The following GNAI3 variants were observed in gnomAD, a reference collection of about 807,000 sequenced individuals.
The protein encoded by GNAI3 is guanine nucleotide-binding protein G(i) subunit alpha-3.
A neutral mutation model predicts 41.8 loss-of-function variants in GNAI3; 12 were observed. The ratio of observed to expected loss-of-function variants is 0.29; its 90% CI spans 0.18 to 0.47. The LOEUF is 0.47. Ranked by LOEUF, GNAI3 falls within the 20% of genes least tolerant of loss-of-function variation. The pLI is 1.00. For synonymous variants in GNAI3, 132 were observed against 146.5 expected (o/e 0.90, Z 0.71); for missense variants, 360 against 429.6 (o/e 0.84, Z 1.43).
chr1:109,569,141 A>G (rs1648528532), intron 1 of GNAI3, among the ~76,000 whole-genome samples: 1 of 152,100 alleles, frequency 6.6e-6, no homozygotes, highest in African/African-American at 2.4e-5. Flanking sequence ...TCTCCTACTT[A>G]TATAGGATAT....
intron 5 of GNAI3, among the ~76,000 whole-genome samples, chr1:109,583,589 CT>C (rs199710835): frequency 6.1e-5 from 9 of 148,060 alleles, no homozygotes; most frequent in Middle Eastern, 3.3e-3. Flanking sequence ...ATTAGTAATT[CT>C]TTTTTTTTTG....
intron 1 of GNAI3, among the ~76,000 whole-genome samples, chr1:109,551,577 TA>T (rs1475869540): frequency 6.6e-6 from 1 of 152,202 alleles, no homozygotes; most frequent in Non-Finnish European, 1.5e-5. Context: ...TTGGGAAAGT[TA>T]ATTTCTCTTG....
intron 4 of GNAI3, among the ~76,000 whole-genome samples, chr1:109,579,863 A>G (rs570892600): frequency 6.6e-6 from 1 of 152,330 alleles, no homozygotes; most frequent in East Asian, 1.9e-4. Context: ...ATGAAGTTGA[A>G]GTATCTTTTT....
chr1:109,564,321 C>G (rs1326740511), intron 1 of GNAI3, among the ~76,000 whole-genome samples: 1 of 151,756 alleles, frequency 6.6e-6, no homozygotes, highest in Non-Finnish European at 1.5e-5. Flanking sequence ...GTCTCTTTCT[C>G]TGTTTCCTTG....
chr1:109,560,846 A>G (rs756500159), intron 1 of GNAI3, among the ~76,000 whole-genome samples: 5 of 152,164 alleles, frequency 3.3e-5, no homozygotes, highest in Admixed American at 1.3e-4. Context: ...ACTGCATCTG[A>G]CCTGATTCAC....
At chr1:109,580,388 A>G (rs1391957101) in intron 4 of GNAI3, among the ~76,000 whole-genome samples, 1 of 152,164 alleles carries the variant, frequency 6.6e-6, no homozygotes, top group East Asian at 1.9e-4. Context: ...GGCACGTTTA[A>G]GCATTAAAGT....
chr1:109,558,229 C>G (rs770596297), intron 1 of GNAI3, among the ~76,000 whole-genome samples: 5 of 152,016 alleles, frequency 3.3e-5, no homozygotes, highest in Non-Finnish European at 5.9e-5. Context: ...TCCAGACCAG[C>G]CTGGCCAACA....
chr1:109,579,018 A>G (rs1230144057), intron 3 of GNAI3, among the ~76,000 whole-genome samples, 186 bp from the exon 4 acceptor site: 1 of 152,154 alleles, frequency 6.6e-6, no homozygotes, highest in Non-Finnish European at 1.5e-5. Context: ...TGGACTTAAA[A>G]CTGTAGTGAA....
intron 1 of GNAI3, among the ~76,000 whole-genome samples, chr1:109,566,196 T>A (rs112056070): frequency 1.6e-4 from 25 of 152,170 alleles, no homozygotes; most frequent in African/African-American, 5.3e-4. Flanking sequence ...GAAGTCTGAG[T>A]TGAATAGGGG....
Position 109,598,985 on chromosome 1 carries a change from G to T in GNAI3, c.*6663G>T. On this transcript the variant is annotated 3_prime_UTR_variant, in exon 9 of 9. Coordinates refer to ENST00000369851, the MANE Select transcript of GNAI3 (RefSeq NM_006496.4). Reference sequence around the variant, plus strand: ...GCATGGCCGGCACACTTTGGTCTACGGCACATCTCCAAGTATAGAGTGGGT... The same window carrying T: ...GCATGGCCGGCACACTTTGGTCTACTGCACATCTCCAAGTATAGAGTGGGT... 1.9e-6 allele frequency: 1 copy of T among 534,708 alleles called. No individual in the cohort carries two copies. Among genetic ancestry groups the T allele is most frequent in the South Asian group, 1.4e-5 (1 of 71,738 alleles). 33.1% of individuals were successfully genotyped at this position (534,708 alleles called of 1,614,324 possible).
In GNAI3 at chr1:109,598,286, C is replaced by A. The variant is rs1006667753; in HGVS notation, c.*5964C>A. 6.6e-6 allele frequency: 1 copy of A among 152,248 alleles called. No individual in the cohort carries two copies. Among genetic ancestry groups the A allele is most frequent in the African/African-American group, 2.4e-5 (1 of 41,444 alleles). 9.4% of individuals were successfully genotyped at this position (152,248 alleles called of 1,614,324 possible). A position where few individuals can be genotyped will look rare whatever the true frequency, so the allele number is the denominator to read the frequency against. ...TCATGTAGGATAAAGGTCCTGAGAC[C>A]TCTCAGAATCTTACGAGGTTGGAGA... On this transcript the variant is annotated 3_prime_UTR_variant, in exon 9 of 9. Transcript: ENST00000369851.
At chr1:109,576,787 A>AT (rs1433860594) in intron 3 of GNAI3, among the ~76,000 whole-genome samples, 1 of 151,888 alleles carries the variant, frequency 6.6e-6, no homozygotes, top group African/African-American at 2.4e-5. Context: ...TGCCCAAAGT[A>AT]TTGGGATTAC....
At chr1:109,580,277 C>T (rs564528240) in intron 4 of GNAI3, among the ~76,000 whole-genome samples, 3 of 152,282 alleles carry the variant, frequency 2.0e-5, no homozygotes, top group South Asian at 2.1e-4. Context: ...GGATTACAGG[C>T]GTGAGCCACC....
In GNAI3 at chr1:109,573,844, T is replaced by G. The variant is rs373095761; in HGVS notation, c.162-52T>G. 17 of 1,597,694 alleles carry G rather than the reference T, an allele frequency of 1.1e-5. No homozygotes were observed. The African/African-American group carries it at 1.3e-4, about 13-fold the overall frequency. ...CCTAATGCATATAAAGTCCATAGTATCTTTTCATTTTAGGTCCATGGTATT... is the reference window on the plus strand; with the variant it reads ...CCTAATGCATATAAAGTCCATAGTAGCTTTTCATTTTAGGTCCATGGTATT... On this transcript the variant is annotated intron_variant, in intron 2 of 8. Coordinates refer to ENST00000369851, the MANE Select transcript of GNAI3 (RefSeq NM_006496.4).
chr1:109,590,484 G>A (rs772796948), intron 7 of GNAI3, among the ~76,000 whole-genome samples: 3 of 152,132 alleles, frequency 2.0e-5, no homozygotes, highest in Non-Finnish European at 2.9e-5. Flanking sequence ...TTAATTTACA[G>A]AGGTTGTTTT....
At chr1:109,549,522 T>G (rs760904063) in intron 1 of GNAI3, among the ~76,000 whole-genome samples, 3 of 152,226 alleles carry the variant, frequency 2.0e-5, no homozygotes, top group African/African-American at 7.2e-5. Context: ...TTATAACGTC[T>G]TCTTCTGTTT....
chr1:109,563,733 T>G (rs1046988018), intron 1 of GNAI3, among the ~76,000 whole-genome samples: 1 of 151,906 alleles, frequency 6.6e-6, no homozygotes, highest in African/African-American at 2.4e-5. Context: ...ATGTAAGTTA[T>G]GGACATATTT....
intron 7 of GNAI3, among the ~76,000 whole-genome samples, chr1:109,589,442 A>G (rs1025607378): frequency 8.5e-5 from 13 of 152,202 alleles, no homozygotes; most frequent in African/African-American, 3.1e-4. Context: ...AGACAAGTGT[A>G]GACTACTCTT....
chr1:109,561,175 A>G (rs1472207229), intron 1 of GNAI3, among the ~76,000 whole-genome samples: 4 of 152,064 alleles, frequency 2.6e-5, no homozygotes, highest in Non-Finnish European at 5.9e-5. Context: ...TTCTTACTCT[A>G]TTTTTGTTAT....
Sources: gnomAD v4.1 joint callset for allele counts (sites outside exome capture counted in the v4.1 genomes callset) on GRCh38, gnomAD v4.1.1 for gene constraint, MANE v1.5 for transcripts, NCBI Gene and HGNC (gene_info 2026-07-23, HGNC 2026-07-21) for gene names.